The following SLC39A5 variants were observed in gnomAD, a reference collection of about 807,000 sequenced individuals.
SLC39A5 encodes the protein zinc transporter ZIP5.
In SLC39A5, 42 loss-of-function variants were observed where a neutral mutation model predicts 46.9. The observed-to-expected ratio is 0.90, with a 90% CI of 0.70 to 1.16. The LOEUF (loss-of-function observed/expected upper bound fraction) is 1.16. Among genes scored for constraint, SLC39A5 ranks in the 50% most tolerant of loss-of-function variants. The pLI is 0.00. For missense variants in SLC39A5, 677 were observed against 686.8 expected, an observed-to-expected ratio of 0.99 and a Z score of 0.16; for synonymous variants, 311 against 323.1, an observed-to-expected ratio of 0.96 and a Z score of 0.40.
intron 12 of SLC39A5, 44 bp from the exon 13 acceptor site, chr12:56,237,544 G>A (rs547030232): frequency 8.7e-6 from 14 of 1,612,280 alleles, no homozygotes; most frequent in Admixed American, 3.3e-5. Context: ...GAGTTGAGAG[G>A]TCAGGGGCAA....
chr12:56,232,161 C>CTTTTTTTTTTTTT (rs767220492), intron 4 of SLC39A5, among the ~76,000 whole-genome samples: 3 of 117,224 alleles, frequency 2.6e-5, no homozygotes, highest in Non-Finnish European at 3.6e-5. Flanking sequence ...CTTTTCTTTT[C>CTTTTTTTTTTTTT]TTTTTTTTTT....
In SLC39A5 at chr12:56,231,282, G is replaced by C. The variant is rs1231323521; in HGVS notation, c.8G>C (p.Gly3Ala). ...AAGCTATTCCCCTCACCAATGATGGGGTCCCCAGTGAGTCATCTGCTGGCC... is the reference window on the plus strand; with the variant it reads ...AAGCTATTCCCCTCACCAATGATGGCGTCCCCAGTGAGTCATCTGCTGGCC... The part of the protein sequence containing the change: MM[G>A]SPVSHLLAGF... The change falls in exon 4 of 13, where the codon GGG becomes GCG. Residue 3 changes from glycine to alanine, a missense_variant. Transcript: ENST00000454355. 2 of 1,604,974 alleles carry C rather than the reference G, an allele frequency of 1.2e-6. No homozygotes were observed. Among genetic ancestry groups the C allele is most frequent in the Non-Finnish European group, 1.7e-6 (2 of 1,175,040 alleles).
In SLC39A5 at chr12:56,236,384, C is replaced by T. The variant is rs1411997168; in HGVS notation, c.946-12C>T. ...TGCCTCCTCCACCAGGAGGGATGCC[C>T]TCCTATTTCAGAGATGCTGCAGGCG... On this transcript the variant is annotated splice_polypyrimidine_tract_variant and intron_variant, in intron 8 of 12. Coordinates refer to ENST00000454355, the MANE Select transcript of SLC39A5 (RefSeq NM_173596.3). 1.9e-6 allele frequency: 3 copies of T among 1,613,896 alleles called. No individual in the cohort carries two copies. The East Asian group carries it at 6.7e-5, about 36-fold the overall frequency.
chr12:56,234,158 A>ATT (rs112753844), intron 5 of SLC39A5, among the ~76,000 whole-genome samples: 40 of 151,152 alleles, frequency 2.6e-4, no homozygotes, highest in South Asian at 2.1e-3. Flanking sequence ...ATATATATAT[A>ATT]TTTTTTTGAG....
At position 56,236,407 on chromosome 12, in the gene SLC39A5, G is replaced by A. The variant is rs369118131; in HGVS notation, c.957G>A (p.Arg319=). The A allele has an allele frequency of 1.9e-6, 3 of 1,614,104 alleles. No homozygotes were observed. In the African/African-American group the frequency reaches 4.0e-5, roughly 22 times the overall value. ...CCCTCCTATTTCAGAGATGCTGCAG[G>A]CGAAAACGAAGGAATCTCGAAACAC... ...RHRGLRPRCC[R]RKRRNLETRN... The change falls in exon 9 of 13, where the codon AGG becomes AGA. Residue 319 remains arginine, a synonymous_variant. Coordinates refer to ENST00000454355, the MANE Select transcript of SLC39A5 (RefSeq NM_173596.3).
rs367903064 is a variant in SLC39A5 at position 56,234,804 on chromosome 12, T to C, written c.472-20T>C. The C allele has an allele frequency of 2.5e-5, 41 of 1,613,124 alleles. No individual in the cohort carries two copies. Among genetic ancestry groups the C allele is most frequent in the Non-Finnish European group, 3.5e-5 (41 of 1,179,866 alleles). ...CATAGTTCCTGGTGATTCTCCAATG[T>C]ATGACCCTCAATTCTCCAGTGTCTG... On this transcript the variant is annotated intron_variant, in intron 5 of 12. Transcript: ENST00000454355.
At chr12:56,237,383 G>A (rs1338500554) in intron 12 of SLC39A5, 43 bp downstream of exon 12, 10 of 1,553,928 alleles carry the variant, frequency 6.4e-6, no homozygotes, top group Non-Finnish European at 8.7e-6. Context: ...GGGCAGTGGG[G>A]AGGCGGGAGT....
chr12:56,235,092 G>C, intron 6 of SLC39A5, 65 bp from the exon 7 acceptor site: 1 of 1,568,484 alleles, frequency 6.4e-7, no homozygotes, highest in Admixed American at 1.8e-5. Context: ...TGTTCTCTCT[G>C]CTCCACCTTA....
Position 56,235,425 on chromosome 12 carries a change from T to C in SLC39A5, c.804+99T>C, listed in dbSNP as rs1565600931. The C allele has an allele frequency of 5.3e-6, 8 of 1,507,284 alleles. No individual in the cohort carries two copies. The East Asian group carries it at 1.8e-4, about 34-fold the overall frequency. 93.4% of individuals were successfully genotyped at this position (1,507,284 alleles called of 1,614,324 possible). A position where few individuals can be genotyped will look rare whatever the true frequency, so the allele number is the denominator to read the frequency against. Reference sequence around the variant, plus strand: ...CGCCTTTCCATCAGCTCCCATATCCTACTCCCAGATCCTGGCTTCAGCCCA... The same window carrying C: ...CGCCTTTCCATCAGCTCCCATATCCCACTCCCAGATCCTGGCTTCAGCCCA... On this transcript the variant is annotated intron_variant, in intron 7 of 12. Coordinates refer to ENST00000454355, the MANE Select transcript of SLC39A5 (RefSeq NM_173596.3).
chr12:56,236,682 T>C lies in SLC39A5; in HGVS notation c.1143T>C (p.Thr381=), dbSNP rs768033063. ...ACAGTCATGGGCACCAGGGTGGCACTGATATCACGTGGATGGTCCTCCTGG... is the reference window on the plus strand; with the variant it reads ...ACAGTCATGGGCACCAGGGTGGCACCGATATCACGTGGATGGTCCTCCTGG... ...QGHSHGHQGG[T]DITWMVLLGD... The change falls in exon 10 of 13, where the codon ACT becomes ACC. Residue 381 remains threonine (T), a synonymous_variant. Transcript: ENST00000454355. The C allele has an allele frequency of 6.8e-6, 11 of 1,613,216 alleles. No individual in the cohort carries two copies. Among genetic ancestry groups the C allele is most frequent in the Non-Finnish European group, 9.3e-6 (11 of 1,179,530 alleles).
chr12:56,232,488 G>A (rs142568787), intron 4 of SLC39A5, among the ~76,000 whole-genome samples: 65 of 152,112 alleles, frequency 4.3e-4, no homozygotes, highest in South Asian at 1.0e-3. Context: ...TTTGGTTGTC[G>A]TCCTTTTTTT....
In SLC39A5 at chr12:56,235,625, A is replaced by C; in HGVS notation, c.870A>C (p.Ser290=). The C allele has an allele frequency of 6.2e-7, 1 of 1,614,128 alleles. No individual in the cohort carries two copies. Among genetic ancestry groups the C allele is most frequent in the Non-Finnish European group, 8.5e-7 (1 of 1,180,018 alleles). Residue 290 remains serine, a synonymous_variant, in exon 8 of 13, where the codon TCA becomes TCC. Coordinates refer to ENST00000454355, the MANE Select transcript of SLC39A5 (RefSeq NM_173596.3). ...LPEKDLGPGL[S]VLGGLFLLFV... is the part of the protein sequence containing the mutation. ...AGAAGGACCTGGGCCCGGGGCTGTCAGTGCTCGGAGGCCTCTTCCTGCTCT... is the reference window on the plus strand; with the variant it reads ...AGAAGGACCTGGGCCCGGGGCTGTCCGTGCTCGGAGGCCTCTTCCTGCTCT...
chr12:56,236,361 C>T lies in SLC39A5; in HGVS notation c.946-35C>T, dbSNP rs531087214. On this transcript the variant is annotated intron_variant, in intron 8 of 12. Transcript: ENST00000454355. Reference sequence around the variant, plus strand: ...TTCCCCTTAGTCCCTGGCTCTGCTGCCTCCTCCACCAGGAGGGATGCCCTC... The same window carrying T: ...TTCCCCTTAGTCCCTGGCTCTGCTGTCTCCTCCACCAGGAGGGATGCCCTC... 3 of 1,597,180 alleles carry T rather than the reference C, an allele frequency of 1.9e-6. No homozygotes were observed. The South Asian group carries it at 3.3e-5, about 18-fold the overall frequency.
rs1466353779 is a variant in SLC39A5, at chr12:56,231,381, A to G, written c.107A>G (p.Gln36Arg). The change falls in exon 4 of 13, where the codon CAG (glutamine) becomes CGG (arginine). Residue 36 changes from glutamine to arginine, a missense_variant. Coordinates refer to ENST00000454355, the MANE Select transcript of SLC39A5 (RefSeq NM_173596.3). ...VPNLGPAEQEQNHYLAQLFGL... is the reference protein window; with the variant it reads ...VPNLGPAEQERNHYLAQLFGL... The stretch of plus-strand genomic sequence containing the variant: ...AACCTGGGCCCTGCTGAGCAGGAGC[A>G]GAACCATTACCTGGCCCAGCTGTTT... The G allele has an allele frequency of 1.9e-6, 3 of 1,614,112 alleles. No homozygotes were observed. The highest frequency in any genetic ancestry group is 2.5e-6 in the Non-Finnish European group (3 of 1,180,018).
Position 56,230,226 on chromosome 12 carries a change from C to G in SLC39A5, c.-170-14C>G, listed in dbSNP as rs1870077728. On this transcript the variant is annotated splice_polypyrimidine_tract_variant and intron_variant, in intron 1 of 12. Transcript: ENST00000454355. ...AGAGGAGAGCCCAGATCCTTGTTTC[C>G]TCTCCCCCCGCAGGGCTTCCCCTTT... The G allele has an allele frequency of 6.5e-6, 1 of 152,764 alleles. No individual in the cohort carries two copies. The highest frequency in any genetic ancestry group is 1.5e-5 in the Non-Finnish European group (1 of 68,158). 9.5% of individuals were successfully genotyped at this position (152,764 alleles called of 1,614,324 possible). A position where few individuals can be genotyped will look rare whatever the true frequency, so the allele number is the denominator to read the frequency against.
chr12:56,236,044 AAAC>A (rs748318875), intron 8 of SLC39A5, among the ~76,000 whole-genome samples: 62 of 152,228 alleles, frequency 4.1e-4, no homozygotes, highest in Non-Finnish European at 5.4e-4. Flanking sequence ...TCCATCTCAA[AAAC>A]AACAACAACA....
intron 4 of SLC39A5, 120 bp downstream of exon 4, chr12:56,231,681 C>T (rs746858780): frequency 4.2e-5 from 46 of 1,088,918 alleles, no homozygotes; most frequent in Non-Finnish European, 5.6e-5. Context: ...TCTTCAGAAC[C>T]GAGCTCCTTG....
rs577098497 is a variant in SLC39A5 at position 56,232,220 on chromosome 12, C to T, written c.288-469C>T. Among the ~76,000 whole-genome samples, 106 of 137,312 alleles carry T rather than the reference C, an allele frequency of 7.7e-4. 2 individuals carry two copies. In the Admixed American group the frequency reaches 8.3e-3, roughly 11 times the overall value. 90.1% of individuals were successfully genotyped at this position (137,312 alleles called of 152,430 possible). A position where few individuals can be genotyped will look rare whatever the true frequency, so the allele number is the denominator to read the frequency against. ...TCGCTCTGTCGCCCAGGCTGGAGTG[C>T]AGTGGTGTGATCTTGGCTCACTGTA... On this transcript the variant is annotated intron_variant, in intron 4 of 12. Coordinates refer to ENST00000454355, the MANE Select transcript of SLC39A5 (RefSeq NM_173596.3).
At chr12:56,232,354 C>T (rs1035500041) in intron 4 of SLC39A5, among the ~76,000 whole-genome samples, 1 of 151,512 alleles carries the variant, frequency 6.6e-6, no homozygotes, top group Non-Finnish European at 1.5e-5. Context: ...TTAGTAGAGA[C>T]GGGGTTTCAC....
Sources: allele counts gnomAD v4.1 joint callset (sites outside exome capture counted in the v4.1 genomes callset), GRCh38; gene constraint gnomAD v4.1.1; transcripts MANE v1.5; gene names NCBI Gene and HGNC (gene_info 2026-07-23, HGNC 2026-07-21).